The following GRM7 variants were observed in gnomAD, a reference collection of about 807,000 sequenced individuals.
GRM7 encodes the protein metabotropic glutamate receptor 7.
In GRM7, 35 loss-of-function variants were observed where a neutral mutation model predicts 84.5. The observed-to-expected ratio is 0.41, with a 90% CI of 0.32 to 0.55. The LOEUF (loss-of-function observed/expected upper bound fraction) is 0.55, where lower values mean the gene tolerates loss of function less well. GRM7 is among the 20% of genes least tolerant of loss of function. The probability of loss-of-function intolerance (pLI) is 0.19; values close to 1 mark genes in which losing one functional copy is unlikely to be tolerated. For missense variants in GRM7, 1,003 were observed against 1,194.6 expected, an observed-to-expected ratio of 0.84 and a Z score of 2.36; for synonymous variants, 487 against 455.1, an observed-to-expected ratio of 1.07 and a Z score of -0.89.
chr3:7,166,141 T>C (rs1436658307), intron 2 of GRM7, among the ~76,000 whole-genome samples: 2 of 152,196 alleles, frequency 1.3e-5, no homozygotes, highest in Admixed American at 1.3e-4. Flanking sequence ...TAACTAATAG[T>C]CTCTCCTCTT....
intron 9 of GRM7, among the ~76,000 whole-genome samples, chr3:7,706,630 A>C (rs1701397978): frequency 6.6e-6 from 1 of 152,220 alleles, no homozygotes; most frequent in Non-Finnish European, 1.5e-5. Context: ...TCCTGTCCAC[A>C]TGCAGTCATA....
chr3:7,667,269 TA>T (rs111517177), intron 8 of GRM7, among the ~76,000 whole-genome samples: 112 of 140,736 alleles, frequency 8.0e-4, no homozygotes, highest in Middle Eastern at 3.6e-3. Flanking sequence ...CCCTGTCTGT[TA>T]AAAAAAAAAA....
chr3:7,381,336 C>T (rs1393268496), intron 4 of GRM7, among the ~76,000 whole-genome samples: 1 of 152,056 alleles, frequency 6.6e-6, no homozygotes, highest in South Asian at 2.1e-4. Context: ...TTCATTCATT[C>T]TTTTCCCTAC....
At chr3:6,867,355 AT>A (rs1694972586) in intron 1 of GRM7, among the ~76,000 whole-genome samples, 1 of 152,090 alleles carries the variant, frequency 6.6e-6, no homozygotes, top group Non-Finnish European at 1.5e-5. Flanking sequence ...TCTTCCCAAC[AT>A]TTACTGTAAT....
In GRM7 at chr3:7,146,534, C is replaced by A. The variant is rs1433061016; in HGVS notation, c.602C>A (p.Pro201His). 6.2e-7 allele frequency: 1 copy of A among 1,613,956 alleles called. No individual in the cohort carries two copies. The change falls in exon 2 of 10, where the codon CCC (proline) becomes CAC (histidine). Residue 201 changes from proline (P) to histidine (H), a missense_variant. By Grantham distance (77) the Pro-to-His change is moderately conservative (BLOSUM62 -2). This residue lies in a region of GRM7 where 910 missense variants were observed against 1,126.0 expected (regional missense o/e 0.81). Transcript: ENST00000357716. ...GACTTCTTCTCTCGCGTGGTGCCAC[C>A]CGATTCCTTCCAAGCCCAGGCCATG... ...RYDFFSRVVPPDSFQAQAMVD... is the reference protein window; with the variant it reads ...RYDFFSRVVPHDSFQAQAMVD...
chr3:6,998,127 A>AAAAAAAAAAAAAAAAAAAAC lies in GRM7; in HGVS notation c.519+136232_519+136233insAAAAAAACAAAAAAAAAAAA, dbSNP rs1158167952. On this transcript the variant is annotated intron_variant, in intron 1 of 9. Coordinates refer to ENST00000357716, the MANE Select transcript of GRM7 (RefSeq NM_000844.4). ...ACAGCAAATCTCCATCTCAAAAAAAAAAAAAAAAAAAAGCAGGTTAGTTAC... is the reference window on the plus strand; with the variant it reads ...ACAGCAAATCTCCATCTCAAAAAAAAAAAAAAAAAAAAAAAAAAACAAAAAAAAAAAAGCAGGTTAGTTAC... Among the ~76,000 whole-genome samples the AAAAAAAAAAAAAAAAAAAAC allele has an allele frequency of 1.4e-5, 2 of 143,434 alleles. 1 individual carries two copies. The highest frequency in any genetic ancestry group is 3.1e-5 in the Non-Finnish European group (2 of 65,336). 94.1% of individuals were successfully genotyped at this position (143,434 alleles called of 152,430 possible). A position where few individuals can be genotyped will look rare whatever the true frequency, so the allele number is the denominator to read the frequency against.
At chr3:7,252,430 A>G (rs1698026219) in intron 2 of GRM7, among the ~76,000 whole-genome samples, 1 of 152,204 alleles carries the variant, frequency 6.6e-6, no homozygotes, top group Admixed American at 6.5e-5. Flanking sequence ...TTGATTCTTT[A>G]AAGTGGCAGT....
At chr3:6,993,357 G>T (rs1011299544) in intron 1 of GRM7, among the ~76,000 whole-genome samples, 3 of 152,114 alleles carry the variant, frequency 2.0e-5, no homozygotes, top group Admixed American at 6.6e-5. Flanking sequence ...AAAAGGAGCA[G>T]GTATGATACA....
chr3:7,448,047 G>A (rs1292135853), intron 5 of GRM7, among the ~76,000 whole-genome samples: 1 of 151,354 alleles, frequency 6.6e-6, no homozygotes, highest in Non-Finnish European at 1.5e-5. Context: ...ATGATTTCCA[G>A]TTTCATCCAT....
intron 7 of GRM7, among the ~76,000 whole-genome samples, chr3:7,501,241 T>C (rs1309578085): frequency 6.6e-6 from 1 of 152,214 alleles, no homozygotes; most frequent in Non-Finnish European, 1.5e-5. Context: ...TTTTTGCCTT[T>C]GATGAAAATG....
chr3:6,973,068 C>T (rs564592648), intron 1 of GRM7, among the ~76,000 whole-genome samples: 21 of 152,236 alleles, frequency 1.4e-4, no homozygotes, highest in African/African-American at 3.4e-4. Flanking sequence ...TTTTCTTCCT[C>T]GGTAAACAGG....
chr3:7,560,927 T>C (rs940818520), intron 7 of GRM7, among the ~76,000 whole-genome samples: 15 of 152,166 alleles, frequency 9.9e-5, no homozygotes, highest in Non-Finnish European at 2.1e-4. Flanking sequence ...ATCCAATTCG[T>C]TCAACAATTT....
At chr3:7,362,922 T>C (rs1693729698) in intron 4 of GRM7, among the ~76,000 whole-genome samples, 1 of 151,714 alleles carries the variant, frequency 6.6e-6, no homozygotes, top group African/African-American at 2.4e-5. Flanking sequence ...GAAGCCAGAG[T>C]CTGGGCAACA....
At chr3:7,356,768 G>T (rs1007910957) in intron 4 of GRM7, among the ~76,000 whole-genome samples, 4 of 151,982 alleles carry the variant, frequency 2.6e-5, no homozygotes, top group Admixed American at 2.0e-4. Flanking sequence ...CAGGCCTTTG[G>T]CCTCACACTA....
Position 7,432,184 on chromosome 3 carries a change from G to A in GRM7, c.1174+17021G>A, listed in dbSNP as rs1274069209. ...AAAAGAATGTCTTCTTTAGGCCTGA[G>A]TCAAAAATTTTAAATTAAAATTAAT... On this transcript the variant is annotated intron_variant, in intron 5 of 9. Coordinates refer to ENST00000357716, the MANE Select transcript of GRM7 (RefSeq NM_000844.4). 3.3e-5 allele frequency among the ~76,000 whole-genome samples: 5 copies of A among 152,272 alleles called. No individual in the cohort carries two copies. The East Asian group carries it at 5.8e-4, about 18-fold the overall frequency.
chr3:7,187,200 AAC>A (rs5846494), intron 2 of GRM7, among the ~76,000 whole-genome samples: 48,076 of 150,228 alleles, frequency 0.32, 7,673 homozygotes, highest in Middle Eastern at 0.39. Flanking sequence ...AGGAAGTGAG[AAC>A]ACACACACAC....
intron 1 of GRM7, among the ~76,000 whole-genome samples, chr3:6,934,393 C>T (rs767538900): frequency 6.6e-6 from 1 of 151,002 alleles, no homozygotes; most frequent in Admixed American, 6.6e-5. Flanking sequence ...ATGAAAACTG[C>T]CCCCCACCCT....
chr3:7,460,392 T>G (rs989434846), intron 6 of GRM7, among the ~76,000 whole-genome samples: 2 of 149,928 alleles, frequency 1.3e-5, no homozygotes, highest in African/African-American at 5.0e-5. Context: ...TATAAACAAT[T>G]TTTTTTTTTA....
chr3:6,949,750 T>C (rs1368483266), intron 1 of GRM7, among the ~76,000 whole-genome samples: 1 of 152,164 alleles, frequency 6.6e-6, no homozygotes, highest in Non-Finnish European at 1.5e-5. Context: ...AGGCTTTGTT[T>C]GTTTCGTTTT....
Sources: allele counts gnomAD v4.1 joint callset (sites outside exome capture counted in the v4.1 genomes callset), GRCh38; gene constraint gnomAD v4.1.1; regional missense constraint gnomAD v4.1.1; transcripts MANE v1.5; gene names NCBI Gene and HGNC (gene_info 2026-07-23, HGNC 2026-07-21).